The following BEND6 variants were observed in gnomAD, a reference collection of about 807,000 sequenced individuals.
The protein encoded by BEND6 is BEN domain containing 6, also known as BEN domain-containing protein 6.
In BEND6, 24 loss-of-function variants were observed where a neutral mutation model predicts 31.8. That is an observed-to-expected ratio of 0.75 (90% confidence interval 0.55 to 1.06). The LOEUF (loss-of-function observed/expected upper bound fraction) is 1.06, where lower values mean the gene tolerates loss of function less well. BEND6 is among the 50% of genes least tolerant of loss of function. BEND6 has a pLI of 0.00. For synonymous variants in BEND6, 109 were observed against 114.6 expected (o/e 0.95, Z 0.31); for missense variants, 294 against 327.4 (o/e 0.90, Z 0.79).
At chr6:56,972,933 G>A (rs567670065) in intron 1 of BEND6, among the ~76,000 whole-genome samples, 14 of 152,314 alleles carry the variant, frequency 9.2e-5, no homozygotes, top group African/African-American at 3.4e-4. Flanking sequence ...GATGTGATAG[G>A]ATTAGTGGCC....
At chr6:56,994,770 T>C (rs1593001938) in intron 3 of BEND6, among the ~76,000 whole-genome samples, 1 of 152,188 alleles carries the variant, frequency 6.6e-6, no homozygotes, top group East Asian at 1.9e-4. Context: ...CAAAAAACTG[T>C]AGGCTAAATT....
intron 3 of BEND6, chr6:57,010,523 A>G (rs1827308703): frequency 1.4e-5 from 3 of 217,736 alleles, no homozygotes; most frequent in African/African-American, 7.0e-5. Flanking sequence ...CCTTTTAGAG[A>G]TGCCTACAGA....
At chr6:56,983,848 T>A (rs1017263790) in intron 2 of BEND6, among the ~76,000 whole-genome samples, 2 of 152,212 alleles carry the variant, frequency 1.3e-5, no homozygotes, top group African/African-American at 4.8e-5. Flanking sequence ...TCCTCAGTGA[T>A]GAATACCTAG....
intron 3 of BEND6, 141 bp from the exon 4 acceptor site, chr6:57,014,992 C>T (rs1827482210): frequency 1.7e-6 from 1 of 599,812 alleles, no homozygotes; most frequent in Non-Finnish European, 2.8e-6. Context: ...AACACCTTTC[C>T]TGCCATGTTT....
At chr6:56,957,421 A>AT (rs1402679868) in intron 1 of BEND6, among the ~76,000 whole-genome samples, 1 of 152,134 alleles carries the variant, frequency 6.6e-6, no homozygotes, top group Non-Finnish European at 1.5e-5. Context: ...CTAATTTATC[A>AT]TTTTTTCCAA....
intron 1 of BEND6, among the ~76,000 whole-genome samples, chr6:56,963,832 T>C (rs1486290237): frequency 6.8e-6 from 1 of 147,564 alleles, no homozygotes; most frequent in Non-Finnish European, 1.5e-5. Context: ...AATAAATTAA[T>C]ATAATATAAC....
At chr6:56,964,127 A>T (rs1825386139) in intron 1 of BEND6, among the ~76,000 whole-genome samples, 2 of 151,398 alleles carry the variant, frequency 1.3e-5, no homozygotes, top group Admixed American at 1.3e-4. Context: ...ACAGATGGAG[A>T]GACAGAAGCA....
At chr6:56,959,628 AC>A (rs1825220170) in intron 1 of BEND6, among the ~76,000 whole-genome samples, 1 of 152,194 alleles carries the variant, frequency 6.6e-6, no homozygotes, top group South Asian at 2.1e-4. Flanking sequence ...ATTTCCAGCC[AC>A]CAGAACCAGG....
intron 4 of BEND6, among the ~76,000 whole-genome samples, chr6:57,015,987 A>G (rs1438834009): frequency 6.6e-6 from 1 of 152,174 alleles, no homozygotes; most frequent in African/African-American, 2.4e-5. Context: ...TTGTAAAACA[A>G]ATACCCAGTT....
intron 6 of BEND6, 28 bp downstream of exon 6, chr6:57,018,585 C>T: frequency 6.9e-7 from 1 of 1,446,970 alleles, no homozygotes; most frequent in Non-Finnish European, 9.1e-7. Flanking sequence ...TCAGTCCTTT[C>T]AATGTGGCAA....
chr6:56,960,240 A>C (rs1485069486), intron 1 of BEND6, among the ~76,000 whole-genome samples: 1 of 152,174 alleles, frequency 6.6e-6, no homozygotes, highest in Non-Finnish European at 1.5e-5. Context: ...TAAAGCTCTT[A>C]GAGTTATAAA....
intron 3 of BEND6, among the ~76,000 whole-genome samples, chr6:57,006,671 A>G (rs2127881241): frequency 6.6e-6 from 1 of 152,384 alleles, no homozygotes; most frequent in East Asian, 1.9e-4. Flanking sequence ...ACCCAAAGCA[A>G]TGTACAGATT....
intron 6 of BEND6, among the ~76,000 whole-genome samples, chr6:57,023,247 T>A (rs959773182): frequency 2.0e-5 from 3 of 152,228 alleles, no homozygotes; most frequent in African/African-American, 7.2e-5. Flanking sequence ...ATTATTATAT[T>A]GCAATCTGTC....
intron 3 of BEND6, among the ~76,000 whole-genome samples, chr6:56,999,018 G>T (rs1407666231): frequency 6.6e-6 from 1 of 152,200 alleles, no homozygotes; most frequent in Non-Finnish European, 1.5e-5. Flanking sequence ...CTGAAGCCAT[G>T]GTGCAGCAGT....
At chr6:56,993,225 A>G (rs1308919637) in intron 3 of BEND6, among the ~76,000 whole-genome samples, 1 of 152,232 alleles carries the variant, frequency 6.6e-6, no homozygotes, top group Non-Finnish European at 1.5e-5. Context: ...ATTTTTTCAA[A>G]AATTATGCTT....
At chr6:56,992,165 T>G (rs913783499) in intron 2 of BEND6, among the ~76,000 whole-genome samples, 2 of 152,234 alleles carry the variant, frequency 1.3e-5, no homozygotes, top group Non-Finnish European at 2.9e-5. Flanking sequence ...TCCTGGTTTC[T>G]GTTTCTCAAG....
chr6:56,996,439 T>A (rs1286416439), intron 3 of BEND6, among the ~76,000 whole-genome samples: 1 of 151,940 alleles, frequency 6.6e-6, no homozygotes, highest in African/African-American at 2.4e-5. Context: ...ATAGCGAGAC[T>A]CTGTCAAAAA....
intron 3 of BEND6, among the ~76,000 whole-genome samples, chr6:57,013,253 A>G (rs1035676963): frequency 6.6e-6 from 1 of 152,116 alleles, no homozygotes; most frequent in African/African-American, 2.4e-5. Context: ...TAATAGAAAA[A>G]CTCACAGAAC....
chr6:57,006,983 T>C (rs1421475571), intron 3 of BEND6, among the ~76,000 whole-genome samples: 1 of 152,096 alleles, frequency 6.6e-6, no homozygotes, highest in Non-Finnish European at 1.5e-5. Context: ...GGGGAAATAA[T>C]AGTCTCTTTA....
Sources: gnomAD v4.1 joint callset for allele counts (sites outside exome capture counted in the v4.1 genomes callset) on GRCh38, gnomAD v4.1.1 for gene constraint, MANE v1.5 for transcripts, NCBI Gene and HGNC (gene_info 2026-07-23, HGNC 2026-07-21) for gene names.